Variants in NEK7 observed in about 807,000 individuals in gnomAD.
NEK7 encodes serine/threonine-protein kinase Nek7.
In NEK7, 18 loss-of-function variants were observed where a neutral mutation model predicts 44.6. The ratio of observed to expected loss-of-function variants is 0.40; its 90% CI spans 0.28 to 0.60. The LOEUF (loss-of-function observed/expected upper bound fraction) is 0.60, where lower values mean the gene tolerates loss of function less well. Among genes scored for constraint, NEK7 ranks in the 20% least tolerant of loss-of-function variants. The pLI is 0.38. For synonymous variants in NEK7, 130 were observed against 121.1 expected (o/e 1.07, Z -0.48); for missense variants, 256 against 366.5 (o/e 0.70, Z 2.46).
intron 9 of NEK7, among the ~76,000 whole-genome samples, chr1:198,303,548 A>G (rs2103023498): frequency 6.6e-6 from 1 of 152,224 alleles, no homozygotes; most frequent in East Asian, 1.9e-4. Flanking sequence ...TTGAAGTTAA[A>G]TTAAGTTTAT....
chr1:198,159,295 A>G (rs548382062), intron 1 of NEK7, among the ~76,000 whole-genome samples: 5 of 151,986 alleles, frequency 3.3e-5, no homozygotes, highest in Admixed American at 2.0e-4. Context: ...AGCCTGGAGA[A>G]AGAAAGAAAG....
intron 1 of NEK7, among the ~76,000 whole-genome samples, chr1:198,167,156 C>T (rs2102709321): frequency 6.6e-6 from 1 of 152,286 alleles, no homozygotes; most frequent in South Asian, 2.1e-4. Flanking sequence ...CTTTCCTTGG[C>T]TTGTGGATAT....
At chr1:198,220,430 A>G (rs1407703047) in intron 1 of NEK7, among the ~76,000 whole-genome samples, 3 of 152,134 alleles carry the variant, frequency 2.0e-5, no homozygotes. Context: ...GTGTTTAACT[A>G]TAAATGTTGA....
chr1:198,201,362 G>T (rs6665458), intron 1 of NEK7, among the ~76,000 whole-genome samples: 22,636 of 151,644 alleles, frequency 0.15, 1,863 homozygotes, highest in East Asian at 0.23. Flanking sequence ...GTATATAGTG[G>T]TTTTTTTTAA....
intron 1 of NEK7, among the ~76,000 whole-genome samples, chr1:198,212,489 A>G (rs1293765074): frequency 6.6e-6 from 1 of 152,162 alleles, no homozygotes; most frequent in Admixed American, 6.5e-5. Context: ...TCTTTTGTGC[A>G]GTAGAGGCAG....
At chr1:198,269,201 T>C (rs1160187096) in intron 5 of NEK7, among the ~76,000 whole-genome samples, 1 of 152,160 alleles carries the variant, frequency 6.6e-6, no homozygotes, top group Non-Finnish European at 1.5e-5. Flanking sequence ...AATAAATATG[T>C]AGTGAATAGA....
At chr1:198,190,634 C>G (rs1270930269) in intron 1 of NEK7, among the ~76,000 whole-genome samples, 1 of 151,908 alleles carries the variant, frequency 6.6e-6, no homozygotes, top group Non-Finnish European at 1.5e-5. Context: ...GGTCCTAGAT[C>G]ATTTTTTTGC....
intron 1 of NEK7, among the ~76,000 whole-genome samples, chr1:198,187,446 C>T (rs1043391724): frequency 6.6e-6 from 1 of 152,170 alleles, no homozygotes; most frequent in Non-Finnish European, 1.5e-5. Flanking sequence ...TTCCACATCT[C>T]AGCATTGATG....
At chr1:198,309,856 G>C (rs1319380664) in intron 9 of NEK7, among the ~76,000 whole-genome samples, 18 of 152,140 alleles carry the variant, frequency 1.2e-4, no homozygotes, top group South Asian at 8.3e-4. Flanking sequence ...TTGGACATTT[G>C]GGTTGGTTCC....
intron 9 of NEK7, among the ~76,000 whole-genome samples, chr1:198,314,537 C>T (rs375239908): frequency 1.5e-4 from 23 of 152,298 alleles, no homozygotes; most frequent in South Asian, 1.0e-3. Context: ...AGTTTTTCTG[C>T]TCTGTTTTTT....
intron 7 of NEK7, among the ~76,000 whole-genome samples, chr1:198,284,433 A>G (rs762298434): frequency 6.6e-6 from 1 of 152,160 alleles, no homozygotes; most frequent in Non-Finnish European, 1.5e-5. Context: ...TTGCTGCTCC[A>G]AGATTCAGAA....
chr1:198,299,728 G>A (rs966416345), intron 9 of NEK7, among the ~76,000 whole-genome samples: 1 of 152,130 alleles, frequency 6.6e-6, no homozygotes, highest in African/African-American at 2.4e-5. Context: ...TTTTAAGGGA[G>A]GATTTCATGA....
chr1:198,271,660 C>T (rs1298693353), intron 5 of NEK7, among the ~76,000 whole-genome samples: 4 of 151,752 alleles, frequency 2.6e-5, no homozygotes, highest in African/African-American at 9.7e-5. Flanking sequence ...TTATTGTTTA[C>T]CAGGATACCC....
intron 5 of NEK7, among the ~76,000 whole-genome samples, chr1:198,267,233 T>C (rs879286205): frequency 3.3e-5 from 5 of 152,108 alleles, no homozygotes; most frequent in Admixed American, 1.3e-4. Context: ...ACTGTTATTT[T>C]AAACATATTT....
chr1:198,292,017 T>C (rs1174327729), intron 7 of NEK7, among the ~76,000 whole-genome samples: 1 of 152,070 alleles, frequency 6.6e-6, no homozygotes, highest in East Asian at 1.9e-4. Context: ...TAGCAACATA[T>C]TTTTGGTAGC....
intron 1 of NEK7, among the ~76,000 whole-genome samples, chr1:198,178,516 T>G (rs1664667379): frequency 6.6e-6 from 1 of 152,080 alleles, no homozygotes; most frequent in South Asian, 2.1e-4. Flanking sequence ...AGGAGAATTT[T>G]GTGGCTAGAC....
At chr1:198,314,392 C>T (rs956341405) in intron 9 of NEK7, among the ~76,000 whole-genome samples, 4 of 152,166 alleles carry the variant, frequency 2.6e-5, no homozygotes, top group Non-Finnish European at 5.9e-5. Flanking sequence ...CCTCCCGTAG[C>T]TCGGAGTAAT....
At chr1:198,311,391 A>G (rs1300435484) in intron 9 of NEK7, among the ~76,000 whole-genome samples, 2 of 152,090 alleles carry the variant, frequency 1.3e-5, no homozygotes, top group Admixed American at 6.5e-5. Flanking sequence ...AAACAGGGAC[A>G]ATTTGACTTC....
intron 1 of NEK7, among the ~76,000 whole-genome samples, chr1:198,186,773 T>C (rs1365810588): frequency 6.6e-6 from 1 of 152,158 alleles, no homozygotes; most frequent in Non-Finnish European, 1.5e-5. Context: ...AGGACAATTA[T>C]CAACAGAATG....
Sources: allele counts gnomAD v4.1 joint callset (sites outside exome capture counted in the v4.1 genomes callset), GRCh38; gene constraint gnomAD v4.1.1; transcripts MANE v1.5; gene names NCBI Gene and HGNC (gene_info 2026-07-23, HGNC 2026-07-21).